The following DPP10 variants were observed in gnomAD, a reference collection of about 807,000 sequenced individuals.
DPP10 encodes inactive dipeptidyl peptidase 10.
Under a neutral mutation model 120.9 loss-of-function variants are expected in DPP10, and 33 were observed. The observed-to-expected ratio is 0.27, with a 90% CI of 0.21 to 0.37. The LOEUF is 0.37. Among genes scored for constraint, DPP10 ranks in the 10% least tolerant of loss-of-function variants. DPP10 has a pLI of 1.00. For missense variants in DPP10, 816 were observed against 942.8 expected (o/e 0.87, Z 1.76); for synonymous variants, 337 against 326.1 (o/e 1.03, Z -0.36).
intron 5 of DPP10, among the ~76,000 whole-genome samples, chr2:115,647,218 G>A (rs2087339592): frequency 6.6e-6 from 1 of 152,060 alleles, no homozygotes; most frequent in Admixed American, 6.6e-5. Context: ...GCTCCCTTTG[G>A]GTTTAACCGC....
intron 3 of DPP10, among the ~76,000 whole-genome samples, chr2:115,464,739 A>T (rs2074211122): frequency 6.6e-6 from 1 of 152,146 alleles, no homozygotes; most frequent in Non-Finnish European, 1.5e-5. Flanking sequence ...CCAGACAGGT[A>T]TAATATCAAT....
chr2:114,937,003 G>A lies in DPP10; in HGVS notation c.61-372236G>A, dbSNP rs138889395. Among the ~76,000 whole-genome samples the A allele has an allele frequency of 1.8e-3, 277 of 152,126 alleles. 2 individuals carry two copies. Among genetic ancestry groups the A allele is most frequent in the Admixed American group, 6.6e-3 (101 of 15,252 alleles). On this transcript the variant is annotated intron_variant, in intron 1 of 25. Coordinates refer to ENST00000410059, the MANE Select transcript of DPP10 (RefSeq NM_020868.6). The stretch of plus-strand genomic sequence containing the variant: ...AGATTCTGGATATTAGTCCTTTGTC[G>A]GATGTATAGATTGTGAAGATTTTTT...
chr2:114,662,457 A>G (rs1697495787), intron 1 of DPP10, among the ~76,000 whole-genome samples: 1 of 151,954 alleles, frequency 6.6e-6, no homozygotes, highest in Non-Finnish European at 1.5e-5. Context: ...TGCTGCTTGG[A>G]CCTCGGCGTG....
intron 5 of DPP10, among the ~76,000 whole-genome samples, chr2:115,633,888 G>T (rs2086101375): frequency 6.6e-6 from 1 of 152,056 alleles, no homozygotes; most frequent in Non-Finnish European, 1.5e-5. Flanking sequence ...TTACAACTTG[G>T]TTTCATTCTG....
At chr2:114,897,958 G>A (rs1289959423) in intron 1 of DPP10, among the ~76,000 whole-genome samples, 1 of 152,158 alleles carries the variant, frequency 6.6e-6, no homozygotes, top group Non-Finnish European at 1.5e-5. Context: ...CAGGGATCTA[G>A]AACTAGAAAT....
intron 7 of DPP10, among the ~76,000 whole-genome samples, chr2:115,706,228 C>CTGG (rs1448008205): frequency 6.6e-6 from 1 of 151,826 alleles, no homozygotes; most frequent in Non-Finnish European, 1.5e-5. Flanking sequence ...TAAAAATCAC[C>CTGG]TACACATCAG....
At chr2:115,423,240 A>G (rs1259662609) in intron 3 of DPP10, among the ~76,000 whole-genome samples, 3 of 152,086 alleles carry the variant, frequency 2.0e-5, no homozygotes, top group Admixed American at 2.0e-4. Context: ...GTCTTCTTTA[A>G]AAGAGGTTTA....
chr2:115,550,822 T>C (rs2079827384), intron 5 of DPP10, among the ~76,000 whole-genome samples: 1 of 152,114 alleles, frequency 6.6e-6, no homozygotes, highest in East Asian at 1.9e-4. Context: ...TGTTACATCA[T>C]TTTGCCAAAA....
At chr2:114,888,222 T>G (rs189002501) in intron 1 of DPP10, among the ~76,000 whole-genome samples, 59 of 152,048 alleles carry the variant, frequency 3.9e-4, no homozygotes, top group Non-Finnish European at 6.5e-4. Flanking sequence ...ATGCCTGTGC[T>G]CAGCAGAGCA....
At chr2:114,769,532 T>C (rs1681059189) in intron 1 of DPP10, among the ~76,000 whole-genome samples, 1 of 152,162 alleles carries the variant, frequency 6.6e-6, no homozygotes, top group Non-Finnish European at 1.5e-5. Flanking sequence ...AGCAAGGTGA[T>C]GAGAAGTTGC....
At chr2:115,821,646 T>A (rs186834503) in intron 21 of DPP10, among the ~76,000 whole-genome samples, 109 of 152,098 alleles carry the variant, frequency 7.2e-4, no homozygotes, top group Admixed American at 2.3e-3. Flanking sequence ...TTATATTTCT[T>A]GTGTCTTCCA....
intron 1 of DPP10, among the ~76,000 whole-genome samples, chr2:114,625,510 T>C (rs1694445125): frequency 6.6e-6 from 1 of 152,026 alleles, no homozygotes; most frequent in African/African-American, 2.4e-5. Flanking sequence ...TTCTTTTAAG[T>C]TGAAGTACTT....
intron 10 of DPP10, among the ~76,000 whole-genome samples, chr2:115,752,197 A>G (rs1678826119): frequency 1.3e-5 from 2 of 152,192 alleles, no homozygotes; most frequent in Non-Finnish European, 2.9e-5. Context: ...GGGCATGTTC[A>G]GGATGGTATG....
intron 1 of DPP10, among the ~76,000 whole-genome samples, chr2:114,467,562 C>G (rs938494974): frequency 2.6e-5 from 4 of 152,122 alleles, no homozygotes; most frequent in Non-Finnish European, 2.9e-5. Flanking sequence ...GTTACACTAC[C>G]CAGTCTTTCT....
At chr2:115,443,224 G>T (rs747618068) in intron 3 of DPP10, among the ~76,000 whole-genome samples, 5 of 152,136 alleles carry the variant, frequency 3.3e-5, no homozygotes, top group Non-Finnish European at 7.4e-5. Context: ...TTTGAGCACA[G>T]TTTTGTTGAC....
At chr2:114,863,685 G>A (rs750180020) in intron 1 of DPP10, among the ~76,000 whole-genome samples, 48 of 152,110 alleles carry the variant, frequency 3.2e-4, no homozygotes, top group Non-Finnish European at 5.3e-4. Flanking sequence ...AGAATTAAAG[G>A]GCAACTACTT....
chr2:114,591,873 T>C (rs1346368642), intron 1 of DPP10, among the ~76,000 whole-genome samples: 2 of 152,138 alleles, frequency 1.3e-5, no homozygotes, highest in Non-Finnish European at 2.9e-5. Context: ...ATGTTGACTT[T>C]ATACAGCTAC....
At chr2:115,208,748 G>T (rs2056320815) in intron 1 of DPP10, among the ~76,000 whole-genome samples, 1 of 152,120 alleles carries the variant, frequency 6.6e-6, no homozygotes, top group Admixed American at 6.6e-5. Flanking sequence ...AACCACAGTG[G>T]CAGGACGTCC....
intron 3 of DPP10, among the ~76,000 whole-genome samples, chr2:115,382,835 A>C (rs1477522577): frequency 1.3e-5 from 2 of 152,216 alleles, no homozygotes; most frequent in African/African-American, 4.8e-5. Context: ...GATAATAAAG[A>C]CACAAAATGC....
Sources: gnomAD v4.1 joint callset for allele counts (sites outside exome capture counted in the v4.1 genomes callset) on GRCh38, gnomAD v4.1.1 for gene constraint, MANE v1.5 for transcripts, NCBI Gene and HGNC (gene_info 2026-07-23, HGNC 2026-07-21) for gene names.